ARHGEF1: variants seen among roughly 807,000 people sequenced by gnomAD.
ARHGEF1 encodes Rho guanine nucleotide exchange factor 1, also known as 115 kDa guanine nucleotide exchange factor.
ARHGEF1 carries 40 observed loss-of-function variants against 119.7 expected under a neutral mutation model. The ratio of observed to expected loss-of-function variants is 0.33; its 90% CI spans 0.26 to 0.44. The LOEUF (loss-of-function observed/expected upper bound fraction) is 0.44, where lower values mean the gene tolerates loss of function less well. Among genes scored for constraint, ARHGEF1 ranks in the 20% least tolerant of loss-of-function variants. ARHGEF1 has a pLI of 1.00. For missense variants in ARHGEF1, 976 were observed against 1,268.3 expected, an observed-to-expected ratio of 0.77 and a Z score of 3.50; for synonymous variants, 494 against 521.0, an observed-to-expected ratio of 0.95 and a Z score of 0.71.
Position 41,902,072 on chromosome 19 carries a change from C to T in ARHGEF1, c.1414+39C>T, listed in dbSNP as rs184501098. 23 of 1,604,150 alleles carry T rather than the reference C, an allele frequency of 1.4e-5. No individual in the cohort carries two copies. The Admixed American group carries it at 3.5e-4, about 25-fold the overall frequency. ...CAGGGTCCCTCTGTGTACCCCACTG[C>T]CCCACGGGCAGCTCTGCTCTAGCCC... On this transcript the variant is annotated intron_variant, in intron 15 of 28. Coordinates refer to ENST00000354532, the MANE Select transcript of ARHGEF1 (RefSeq NM_004706.4). This position sits in a 1 kb window ranked among gnomAD's most constrained non-coding sequence, Gnocchi z 6.5.
At chr19:41,913,907 C>T (rs1349571294) in intron 18 of ARHGEF1, among the ~76,000 whole-genome samples, 1 of 151,078 alleles carries the variant, frequency 6.6e-6, no homozygotes, top group Admixed American at 6.6e-5. Context: ...CCCCTCACTG[C>T]CACCCTCACA....
intron 1 of ARHGEF1, chr19:41,923,356 TGA>T (rs2074852712): frequency 5.7e-6 from 2 of 351,118 alleles, no homozygotes; most frequent in East Asian, 7.7e-5. Flanking sequence ...ATGGAGAAAC[TGA>T]GAGAGAGTCA....
At chr19:41,922,966 ACTCC>A (rs2074850864), upstream of ARHGEF1, 1 of 364,280 alleles carries the variant, frequency 2.7e-6, no homozygotes, top group Non-Finnish European at 5.4e-6. Context: ...GCACACACTC[ACTCC>A]CACTGACAGC....
At chr19:41,915,468 C>T (rs974051624) in intron 18 of ARHGEF1, among the ~76,000 whole-genome samples, 2 of 151,902 alleles carry the variant, frequency 1.3e-5, no homozygotes, top group Admixed American at 6.5e-5. Flanking sequence ...CACGTCGTCT[C>T]CACTTCTGTG....
Position 41,906,373 on chromosome 19 carries a change from A to G in ARHGEF1, c.2492-84A>G. The G allele has an allele frequency of 7.2e-7, 1 of 1,389,102 alleles. No individual in the cohort carries two copies. The highest frequency in any genetic ancestry group is 9.7e-7 in the Non-Finnish European group (1 of 1,030,508). The allele number at this position is 1,389,102 out of a possible 1,614,324, so 86.0% of individuals were successfully genotyped here. A position where few individuals can be genotyped will look rare whatever the true frequency, so the allele number is the denominator to read the frequency against. Reference sequence around the variant, plus strand: ...GCACCCACCTTCACCTCCAGCCCCTACACATCCCCTTTGGAATCCCCCATC... The same window carrying G: ...GCACCCACCTTCACCTCCAGCCCCTGCACATCCCCTTTGGAATCCCCCATC... On this transcript the variant is annotated intron_variant, in intron 26 of 28. Coordinates refer to ENST00000354532, the MANE Select transcript of ARHGEF1 (RefSeq NM_004706.4). This position sits in a 1 kb window ranked among gnomAD's most constrained non-coding sequence, Gnocchi z 4.5.
At chr19:41,911,435 C>T (rs894012190), downstream of ARHGEF1, among the ~76,000 whole-genome samples, 6 of 152,180 alleles carry the variant, frequency 3.9e-5, no homozygotes, top group South Asian at 2.1e-4. Context: ...CCAGCATCGC[C>T]GTGTCCACTT....
At chr19:41,907,560 GTTCATTCA>G (rs1200271721), downstream of ARHGEF1, 1 of 660,858 alleles carries the variant, frequency 1.5e-6, no homozygotes, top group Non-Finnish European at 2.5e-6. Flanking sequence ...CCCTCCAGTT[GTTCATTCA>G]TTCATTCATT....
At chr19:41,918,987 G>A (rs548544823), upstream of ARHGEF1, among the ~76,000 whole-genome samples, 75 of 142,222 alleles carry the variant, frequency 5.3e-4, no homozygotes, top group African/African-American at 1.6e-3. Context: ...CACACACACC[G>A]CATATACACC....
At position 41,888,806 on chromosome 19, in the gene ARHGEF1, C is replaced by G; in HGVS notation, c.166C>G (p.Pro56Ala). 1 of 1,614,238 alleles carries G rather than the reference C, an allele frequency of 6.2e-7. No homozygotes were observed. The highest frequency in any genetic ancestry group is 8.5e-7 in the Non-Finnish European group (1 of 1,180,034). The change falls in exon 4 of 29, where the codon CCA (proline) becomes GCA (alanine). Residue 56 changes from proline to alanine, a missense_variant. Physicochemically the swap from Pro to Ala is conservative, Grantham distance 27. Coordinates refer to ENST00000354532, the MANE Select transcript of ARHGEF1 (RefSeq NM_004706.4). The surrounding 1 kb of genome is among the most constrained non-coding windows in gnomAD (Gnocchi z 5.1). ...FQSLEQVKRRPAHLMALLQHV... is the reference protein window; with the variant it reads ...FQSLEQVKRRAAHLMALLQHV... ...GAGCCTGGAGCAGGTGAAGCGGCGC[C>G]CAGCCCACCTCATGGCCCTCCTGCA...
At position 41,917,408 on chromosome 19, in the gene ARHGEF1, G is replaced by A. The variant is rs1004007181; in HGVS notation, c.1866-5684G>A. Among the ~76,000 whole-genome samples the A allele has an allele frequency of 2.0e-5, 3 of 151,738 alleles. No individual in the cohort carries two copies. Among genetic ancestry groups the A allele is most frequent in the African/African-American group, 4.8e-5 (2 of 41,248 alleles). ...AGTTGTTTTGATTTCTCTAAGCTGCGCCGGCCGCCTCGGGAGCCGCCTCGG... is the reference window on the plus strand; with the variant it reads ...AGTTGTTTTGATTTCTCTAAGCTGCACCGGCCGCCTCGGGAGCCGCCTCGG... On this transcript the variant is annotated intron_variant, in intron 18 of 20. Coordinates refer to the ARHGEF1 transcript ENST00000599589. This position sits in a 1 kb window ranked among gnomAD's most constrained non-coding sequence, Gnocchi z 4.8.
At chr19:41,907,544 G>A (rs2074722131), downstream of ARHGEF1, 2 of 745,392 alleles carry the variant, frequency 2.7e-6, no homozygotes, top group Non-Finnish European at 4.2e-6. Context: ...CTGTGCCTCT[G>A]CGCCTCCCTC....
chr19:41,897,298 T>G (rs1555848027), intron 13 of ARHGEF1: 4 of 1,277,472 alleles, frequency 3.1e-6, no homozygotes, highest in Non-Finnish European at 4.1e-6. Flanking sequence ...TCTGACCCTG[T>G]GCCCCTCTCT....
chr19:41,901,870 C>T lies in ARHGEF1; in HGVS notation c.1268-17C>T, dbSNP rs782568994. On this transcript the variant is annotated splice_polypyrimidine_tract_variant and intron_variant, in intron 14 of 28. Coordinates refer to ENST00000354532, the MANE Select transcript of ARHGEF1 (RefSeq NM_004706.4). Reference sequence around the variant, plus strand: ...TGCACCCTCCCCAACATGCTTCCTGCTTTGGTGGCCCTGCAGAGCTGCTGG... The same window carrying T: ...TGCACCCTCCCCAACATGCTTCCTGTTTTGGTGGCCCTGCAGAGCTGCTGG... 1.2e-6 allele frequency: 2 copies of T among 1,605,954 alleles called. No individual in the cohort carries two copies. Among genetic ancestry groups the T allele is most frequent in the Non-Finnish European group, 1.7e-6 (2 of 1,179,506 alleles).
rs73550637 is a variant in ARHGEF1 at position 41,917,937 on chromosome 19, T to C, written c.1866-5155T>C. 0.24 allele frequency among the ~76,000 whole-genome samples: 35,968 copies of C among 151,416 alleles called. 8,752 individuals are homozygous for C. The highest frequency in any genetic ancestry group is 0.63 in the African/African-American group (25,755 of 41,002). ...CGCGGTCACACACTGTGTGTGTGTGTGCTCACACACCTGTCCGTCCAGACT... is the reference window on the plus strand; with the variant it reads ...CGCGGTCACACACTGTGTGTGTGTGCGCTCACACACCTGTCCGTCCAGACT... On this transcript the variant is annotated intron_variant, in intron 18 of 20. Transcript: ENST00000599589. This position sits in a 1 kb window ranked among gnomAD's most constrained non-coding sequence, Gnocchi z 4.8.
upstream of ARHGEF1, among the ~76,000 whole-genome samples, chr19:41,920,680 T>C (rs1307694376): frequency 1.3e-5 from 2 of 152,212 alleles, no homozygotes; most frequent in Non-Finnish European, 2.9e-5. Flanking sequence ...TCACAGACAC[T>C]GTGACACAAG....
At chr19:41,910,148 G>C, downstream of ARHGEF1, 1 of 1,549,064 alleles carries the variant, frequency 6.5e-7, no homozygotes. This position sits in a 1 kb window ranked among gnomAD's most constrained non-coding sequence, Gnocchi z 4.4. Flanking sequence ...CAAGTCCAGG[G>C]CTCTGGGTCC....
In ARHGEF1 at chr19:41,902,885, C is replaced by G. The variant is rs147645001; in HGVS notation, c.1725C>G (p.Ile575Met). Residue 575 changes from isoleucine (I) to methionine (M), a missense_variant, in exon 18 of 29, where the codon ATC (isoleucine) becomes ATG (methionine). This residue lies in a region of ARHGEF1 where 286 missense variants were observed against 506.8 expected (regional missense o/e 0.56). Transcript: ENST00000354532. This position sits in a 1 kb window ranked among gnomAD's most constrained non-coding sequence, Gnocchi z 6.5. ...AGTACCCCCTGCTCCTGCAGAGCAT[C>G]GGGCAGAACACAGGTACCGCGGGCC... ...LTKYPLLLQSIGQNTEEPTER... is the reference protein window; with the variant it reads ...LTKYPLLLQSMGQNTEEPTER... 6.2e-7 allele frequency: 1 copy of G among 1,608,420 alleles called. No individual in the cohort carries two copies.
rs782443297 is a variant in ARHGEF1 at position 41,906,682 on chromosome 19, C to A, written c.2656-21C>A. 1 of 1,602,084 alleles carries A rather than the reference C, an allele frequency of 6.2e-7. No homozygotes were observed. Among genetic ancestry groups the A allele is most frequent in the South Asian group, 1.1e-5 (1 of 89,852 alleles). ...TGGGGAAGGAAGGGGCCCCCCTCATCCATGACCCCCACCCCACCAGGAGTT... is the reference window on the plus strand; with the variant it reads ...TGGGGAAGGAAGGGGCCCCCCTCATACATGACCCCCACCCCACCAGGAGTT... On this transcript the variant is annotated intron_variant, in intron 27 of 28. Transcript: ENST00000354532. This position sits in a 1 kb window ranked among gnomAD's most constrained non-coding sequence, Gnocchi z 4.5.
chr19:41,894,143 T>TGTGTGA, intron 8 of ARHGEF1, 64 bp from the exon 9 acceptor site: 1 of 881,020 alleles, frequency 1.1e-6, no homozygotes, highest in Non-Finnish European at 1.7e-6. Flanking sequence ...TGAGTGTGTG[T>TGTGTGA]GTGTGTGTGT....
Sources: gnomAD v4.1 joint callset for allele counts (sites outside exome capture counted in the v4.1 genomes callset) on GRCh38, gnomAD v4.1.1 for gene constraint, gnomAD v4.1.1 regional missense constraint, Gnocchi (gnomAD v3.1) non-coding constraint, MANE v1.5 for transcripts, NCBI Gene and HGNC (gene_info 2026-07-23, HGNC 2026-07-21) for gene names.